The following GCSAML variants were observed in gnomAD, a reference collection of about 807,000 sequenced individuals.
GCSAML encodes germinal center-associated signaling and motility-like protein.
In GCSAML, 9 loss-of-function variants were observed where a neutral mutation model predicts 13.0. The ratio of observed to expected loss-of-function variants is 0.69; its 90% CI spans 0.42 to 1.21. GCSAML has a LOEUF of 1.21. Among genes scored for constraint, GCSAML ranks in the 50% most tolerant of loss-of-function variants. The pLI is 0.00. For synonymous variants in GCSAML, 37 were observed against 52.9 expected (o/e 0.70, Z 1.31); for missense variants, 143 against 153.4 (o/e 0.93, Z 0.36).
intron 1 of GCSAML, among the ~76,000 whole-genome samples, chr1:247,509,607 T>G (rs1389724286): frequency 1.3e-5 from 2 of 152,232 alleles, no homozygotes; most frequent in African/African-American, 4.8e-5. Context: ...CTTCCAGCTT[T>G]TGCCTATTCA....
In GCSAML at chr1:247,526,807, G is replaced by A; in HGVS notation, c.-262-133G>A. On this transcript the variant is annotated intron_variant, in intron 1 of 5. Transcript: ENST00000366489. The surrounding 1 kb of genome is among the most constrained non-coding windows in gnomAD (Gnocchi z 4.8). The stretch of plus-strand genomic sequence containing the variant: ...AAATTCTGACATATTCGGCTGAAAA[G>A]GGACCTGGCATCGAAAGACAAGTGG... 2 of 361,570 alleles carry A rather than the reference G, an allele frequency of 5.5e-6. No individual in the cohort carries two copies. Among genetic ancestry groups the A allele is most frequent in the Non-Finnish European group, 1.1e-5 (2 of 185,342 alleles). The allele number at this position is 361,570 out of a possible 1,614,324, so 22.4% of individuals were successfully genotyped here.
chr1:247,556,376 T>C (rs1404828989), intron 1 of GCSAML, 31 bp from the exon 2 acceptor site: 2 of 1,532,678 alleles, frequency 1.3e-6, no homozygotes, highest in Non-Finnish European at 1.8e-6. Context: ...GCAGTAACAA[T>C]CTCTCTTTTT....
intron 1 of GCSAML, among the ~76,000 whole-genome samples, chr1:247,524,029 C>CACAT (rs57120865): frequency 6.6e-6 from 1 of 151,166 alleles, no homozygotes; most frequent in East Asian, 1.9e-4. Flanking sequence ...CACACACACA[C>CACAT]TCTGCAGATG....
At chr1:247,539,433 T>C (rs185337689) in intron 2 of GCSAML, among the ~76,000 whole-genome samples, 92 of 152,304 alleles carry the variant, frequency 6.0e-4, no homozygotes, top group African/African-American at 2.2e-3. Flanking sequence ...TTGACCCTCG[T>C]TCCTGAAAAG....
In GCSAML at chr1:247,532,585, A is replaced by C. The variant is rs1411947790; in HGVS notation, c.-148+5531A>C. On this transcript the variant is annotated intron_variant, in intron 2 of 5. Coordinates refer to the GCSAML transcript ENST00000366489. ...CATACAGGGCATGAGACATGAAGCA[A>C]TTACATCAGTTAGCAAACATTAAAA... 18 of 1,341,274 alleles carry C rather than the reference A, an allele frequency of 1.3e-5. No individual in the cohort carries two copies. In the South Asian group the frequency reaches 2.2e-4, roughly 16 times the overall value. 83.1% of individuals were successfully genotyped at this position (1,341,274 alleles called of 1,614,324 possible). A position where few individuals can be genotyped will look rare whatever the true frequency, so the allele number is the denominator to read the frequency against.
intron 2 of GCSAML, chr1:247,532,382 C>T: frequency 6.2e-7 from 1 of 1,614,104 alleles, no homozygotes; most frequent in Non-Finnish European, 8.5e-7. Flanking sequence ...ATGATGATGC[C>T]ATTGCCCAAG....
intron 4 of GCSAML, among the ~76,000 whole-genome samples, chr1:247,567,619 A>G (rs1427058657): frequency 1.3e-5 from 2 of 152,220 alleles, no homozygotes; most frequent in Non-Finnish European, 2.9e-5. Flanking sequence ...GCTATTGTGA[A>G]TAGTGCTGCA....
chr1:247,542,264 G>A (rs560054287), intron 2 of GCSAML, among the ~76,000 whole-genome samples: 2 of 152,078 alleles, frequency 1.3e-5, no homozygotes, highest in African/African-American at 2.4e-5. Context: ...CTCAGCCAGG[G>A]CTACACAGTG....
chr1:247,547,980 T>C (rs935545379), upstream of GCSAML, among the ~76,000 whole-genome samples: 1 of 152,178 alleles, frequency 6.6e-6, no homozygotes, highest in Non-Finnish European at 1.5e-5. Context: ...TTATAATCGA[T>C]AAATAAACAA....
chr1:247,529,508 C>A (rs1666819561), intron 2 of GCSAML: 1 of 152,302 alleles, frequency 6.6e-6, no homozygotes, highest in Admixed American at 6.5e-5. Flanking sequence ...TGCCCTAAAC[C>A]TGCAGTCACC....
intron 2 of GCSAML, among the ~76,000 whole-genome samples, chr1:247,559,196 C>T (rs1479465408): frequency 6.6e-6 from 1 of 152,074 alleles, no homozygotes; most frequent in Non-Finnish European, 1.5e-5. Context: ...ATATTTTGTT[C>T]AGAGATCATA....
chr1:247,518,097 C>T (rs1666278472), intron 1 of GCSAML, among the ~76,000 whole-genome samples: 1 of 152,244 alleles, frequency 6.6e-6, no homozygotes, highest in Non-Finnish European at 1.5e-5. Flanking sequence ...TGCTAGTTAA[C>T]CGCGGGGGCT....
Position 247,527,568 on chromosome 1 carries a change from T to A in GCSAML, c.-148+514T>A, listed in dbSNP as rs1299313056. 1 of 152,504 alleles carries A rather than the reference T, an allele frequency of 6.6e-6. No homozygotes were observed. Among genetic ancestry groups the A allele is most frequent in the Non-Finnish European group, 1.5e-5 (1 of 68,256 alleles). The allele number at this position is 152,504 out of a possible 1,614,324, so 9.4% of individuals were successfully genotyped here. ...AAGTTTTTAGTATTCAGATTGAAGT[T>A]TTTCTTCAGATCTTGAATGTTTGAA... On this transcript the variant is annotated intron_variant, in intron 2 of 5. Transcript: ENST00000366489. The surrounding 1 kb of genome is among the most constrained non-coding windows in gnomAD (Gnocchi z 4.6).
intron 4 of GCSAML, among the ~76,000 whole-genome samples, chr1:247,573,606 G>A (rs961124005): frequency 6.6e-6 from 1 of 152,186 alleles, no homozygotes; most frequent in Non-Finnish European, 1.5e-5. Flanking sequence ...GTCTTGCTGG[G>A]AGCTGCAGAC....
intron 1 of GCSAML, among the ~76,000 whole-genome samples, chr1:247,513,980 C>T (rs1245035890): frequency 2.0e-5 from 3 of 151,968 alleles, no homozygotes; most frequent in African/African-American, 7.2e-5. Context: ...GCCACAACCC[C>T]CCCACCGCCT....
chr1:247,532,595 T>C, intron 2 of GCSAML: 2 of 1,229,082 alleles, frequency 1.6e-6, no homozygotes, highest in South Asian at 2.9e-5. Flanking sequence ...ATTACATCAG[T>C]TAGCAAACAT....
At chr1:247,533,085 G>A (rs1667069963) in intron 2 of GCSAML, among the ~76,000 whole-genome samples, 1 of 152,162 alleles carries the variant, frequency 6.6e-6, no homozygotes, top group Admixed American at 6.5e-5. Context: ...TCATCTGCAA[G>A]TTTTTGCTGT....
chr1:247,526,889 T>C lies in GCSAML; in HGVS notation c.-262-51T>C. 1 of 445,054 alleles carries C rather than the reference T, an allele frequency of 2.2e-6. No homozygotes were observed. The highest frequency in any genetic ancestry group is 4.5e-6 in the Non-Finnish European group (1 of 222,212). The allele number at this position is 445,054 out of a possible 1,614,324, so 27.6% of individuals were successfully genotyped here. ...TCATTTACTATAACTTAAATCCAAG[T>C]AAGATGGGACTTCCCTCTATTTAGA... is the stretch of plus-strand genomic sequence containing the variant. On this transcript the variant is annotated intron_variant, in intron 1 of 5. Transcript: ENST00000366489. The surrounding 1 kb of genome is among the most constrained non-coding windows in gnomAD (Gnocchi z 4.8).
chr1:247,533,666 C>T (rs565071010), intron 2 of GCSAML: 1 of 152,288 alleles, frequency 6.6e-6, no homozygotes, highest in African/African-American at 2.4e-5. Context: ...CCTTCATGTT[C>T]AATCATATTT....
Sources: gnomAD v4.1 joint callset for allele counts (sites outside exome capture counted in the v4.1 genomes callset) on GRCh38, gnomAD v4.1.1 for gene constraint, Gnocchi (gnomAD v3.1) non-coding constraint, MANE v1.5 for transcripts, NCBI Gene and HGNC (gene_info 2026-07-23, HGNC 2026-07-21) for gene names.